SENP1: variants seen among roughly 807,000 people sequenced by gnomAD.
SENP1 encodes the protein sentrin-specific protease 1.
SENP1 carries 21 observed loss-of-function variants against 93.0 expected under a neutral mutation model. The observed-to-expected ratio is 0.23, with a 90% CI of 0.16 to 0.33. The LOEUF is 0.33. SENP1 is among the 10% of genes least tolerant of loss of function. The pLI, the probability that SENP1 is intolerant of heterozygous loss-of-function variation, is 1.00. For missense variants in SENP1, 591 were observed against 758.7 expected (o/e 0.78, Z 2.60); for synonymous variants, 256 against 259.6 (o/e 0.99, Z 0.13).
At chr12:48,078,361 A>G (rs1158869506) in intron 6 of SENP1, among the ~76,000 whole-genome samples, 1 of 126,098 alleles carries the variant, frequency 7.9e-6, no homozygotes, top group East Asian at 2.9e-4. Flanking sequence ...ATACACACAC[A>G]CACATACACA....
At chr12:48,087,242 G>C (rs535025568) in intron 5 of SENP1, among the ~76,000 whole-genome samples, 2 of 151,992 alleles carry the variant, frequency 1.3e-5, no homozygotes, top group South Asian at 4.1e-4. Flanking sequence ...AACTCATTTT[G>C]GAAAAAAAGT....
chr12:48,071,596 A>G, intron 9 of SENP1, 71 bp downstream of exon 9: 1 of 1,107,546 alleles, frequency 9.0e-7, no homozygotes, highest in Non-Finnish European at 1.3e-6. Flanking sequence ...AGCCTGGGCA[A>G]CAGAGCGAGA....
chr12:48,098,658 A>AAAG (rs1945721280), intron 2 of SENP1, among the ~76,000 whole-genome samples: 1 of 151,558 alleles, frequency 6.6e-6, no homozygotes, highest in Admixed American at 6.6e-5. Context: ...AAAAAAAAAA[A>AAAG]AAGTTAGCCA....
chr12:48,104,296 G>T (rs1252253204), intron 1 of SENP1, among the ~76,000 whole-genome samples: 1 of 133,688 alleles, frequency 7.5e-6, no homozygotes, highest in Non-Finnish European at 1.6e-5. Flanking sequence ...GAGAGAGAGA[G>T]AGAGAGACGC....
At chr12:48,067,491 G>A (rs1943380382) in intron 9 of SENP1, among the ~76,000 whole-genome samples, 1 of 152,194 alleles carries the variant, frequency 6.6e-6, no homozygotes, top group African/African-American at 2.4e-5. Context: ...CAAGTGATAT[G>A]CTGAGCAGAG....
In SENP1 at chr12:48,065,631, C is replaced by G; in HGVS notation, c.1084G>C (p.Glu362Gln). Residue 362 changes from glutamate (E) to glutamine (Q), a missense_variant, in exon 11 of 18, where the codon GAA (glutamate) becomes CAA (glutamine). Transcript: ENST00000549518. ...AGCTGTAAGGCCAATGCCTTCTGTT[C>G]TTCAATCTGGCGCAATCTTTCTCGT... The part of the protein sequence containing the change: ...RARERLRQIE[E>Q]QKALALQLQN... 1 of 1,562,222 alleles carries G rather than the reference C, an allele frequency of 6.4e-7. No individual in the cohort carries two copies. The highest frequency in any genetic ancestry group is 2.4e-5 in the East Asian group (1 of 42,340).
chr12:48,077,229 G>A (rs1283087376), intron 6 of SENP1, among the ~76,000 whole-genome samples: 2 of 152,130 alleles, frequency 1.3e-5, no homozygotes, highest in African/African-American at 4.8e-5. Flanking sequence ...TCTGTAGGTT[G>A]TCTCTGCACA....
rs146954904 is a variant in SENP1 at position 48,058,954 on chromosome 12, T to C, written c.1407+4756A>G. ...GCAGTACTTCAAAGATGTAGCTACA[T>C]TGTCTTCTGGCCTGCATCGTTTCCG... On this transcript the variant is annotated intron_variant, in intron 13 of 17. Coordinates refer to ENST00000549518, the MANE Select transcript of SENP1 (RefSeq NM_001267594.2). Among the ~76,000 whole-genome samples the C allele has an allele frequency of 1.6e-3, 241 of 152,314 alleles. 3 individuals are homozygous for C. Among genetic ancestry groups the C allele is most frequent in the African/African-American group, 5.4e-3 (226 of 41,578 alleles).
intron 6 of SENP1, among the ~76,000 whole-genome samples, chr12:48,075,140 T>C (rs12316682): frequency 0.12 from 18,551 of 151,862 alleles, 1,478 homozygotes; most frequent in African/African-American, 0.22. Context: ...CACTTGAACC[T>C]GGAAGGCGAA....
chr12:48,057,941 CTTTTTTTTT>C (rs370210767), intron 13 of SENP1, among the ~76,000 whole-genome samples: 2 of 85,684 alleles, frequency 2.3e-5, no homozygotes, highest in Admixed American at 1.8e-4. Flanking sequence ...TTTATTTCCT[CTTTTTTTTT>C]TTTTTTTTTT....
At chr12:48,074,640 G>A in intron 7 of SENP1, 33 bp from the exon 8 acceptor site, 4 of 1,606,154 alleles carry the variant, frequency 2.5e-6, no homozygotes, top group Non-Finnish European at 3.4e-6. Flanking sequence ...TCAATATCAA[G>A]TAATAAATTG....
intron 13 of SENP1, among the ~76,000 whole-genome samples, chr12:48,052,601 G>GT (rs1434155843): frequency 3.9e-5 from 6 of 152,278 alleles, no homozygotes; most frequent in Non-Finnish European, 8.8e-5. Context: ...AGCTAACCTA[G>GT]TAATATTATA....
At chr12:48,105,643 G>A (rs1054833384) in intron 1 of SENP1, 9 of 427,016 alleles carry the variant, frequency 2.1e-5, no homozygotes, top group South Asian at 9.5e-5. Flanking sequence ...CGAGCTTCCC[G>A]GTGAAAACAG....
At chr12:48,052,588 A>G (rs986771199) in intron 13 of SENP1, among the ~76,000 whole-genome samples, 1 of 152,198 alleles carries the variant, frequency 6.6e-6, no homozygotes, top group Non-Finnish European at 1.5e-5. Context: ...ATTCACTCAC[A>G]GGAGCTAACC....
rs541934769 is a variant in SENP1 at position 48,057,378 on chromosome 12, T to A, written c.1407+6332A>T. Among the ~76,000 whole-genome samples, 228 of 147,150 alleles carry A rather than the reference T, an allele frequency of 1.5e-3. 3 individuals are homozygous for A. The highest frequency in any genetic ancestry group is 5.3e-3 in the African/African-American group (215 of 40,418). ...CTGGGTAGCTGGGATTACAGGCGCC[T>A]GCCACCACACCTGGCTAATTTTTGT... On this transcript the variant is annotated intron_variant, in intron 13 of 17. Transcript: ENST00000549518.
At chr12:48,081,967 CA>C (rs1393718478) in intron 6 of SENP1, among the ~76,000 whole-genome samples, 2 of 152,098 alleles carry the variant, frequency 1.3e-5, no homozygotes, top group Non-Finnish European at 2.9e-5. Flanking sequence ...CGGCTCACTG[CA>C]AGCTCTGCCT....
chr12:48,057,939 CTCT>C (rs763397430), intron 13 of SENP1, among the ~76,000 whole-genome samples: 1 of 93,412 alleles, frequency 1.1e-5, no homozygotes, highest in Non-Finnish European at 2.0e-5. Flanking sequence ...ATTTTATTTC[CTCT>C]TTTTTTTTTT....
At chr12:48,101,549 A>G (rs777874525) in intron 1 of SENP1, 33 bp from the exon 2 acceptor site, 4 of 1,109,690 alleles carry the variant, frequency 3.6e-6, no homozygotes, top group Non-Finnish European at 4.0e-6. Context: ...GAAAAATTAC[A>G]TACTGAAACA....
intron 4 of SENP1, among the ~76,000 whole-genome samples, chr12:48,094,519 A>G (rs1190800809): frequency 6.6e-6 from 1 of 151,772 alleles, no homozygotes; most frequent in Non-Finnish European, 1.5e-5. Context: ...ATCTCTACTA[A>G]AAGTACAAAA....
Sources: allele counts gnomAD v4.1 joint callset (sites outside exome capture counted in the v4.1 genomes callset), GRCh38; gene constraint gnomAD v4.1.1; transcripts MANE v1.5; gene names NCBI Gene and HGNC (gene_info 2026-07-23, HGNC 2026-07-21).